Variants in RBM5 observed in about 807,000 individuals in gnomAD.
The protein encoded by RBM5 is RNA-binding protein 5.
Under a neutral mutation model 124.6 loss-of-function variants are expected in RBM5, and 15 were observed. That is an observed-to-expected ratio of 0.12 (90% CI 0.08 to 0.19). RBM5 has a LOEUF of 0.19. RBM5 is among the 10% of genes least tolerant of loss of function. RBM5 has a pLI of 1.00. For synonymous variants in RBM5, 337 were observed against 361.2 expected (o/e 0.93, Z 0.76); for missense variants, 580 against 1,026.5 (o/e 0.57, Z 5.94).
intron 4 of RBM5, among the ~76,000 whole-genome samples, chr3:50,096,791 G>C (rs1307335788): frequency 6.8e-6 from 1 of 147,540 alleles, no homozygotes; most frequent in South Asian, 2.2e-4. Context: ...TTTTTTTGTA[G>C]AGACAAGGTC....
At chr3:50,104,417 C>A in intron 8 of RBM5, 109 bp downstream of exon 8, 1 of 1,041,236 alleles carries the variant, frequency 9.6e-7, no homozygotes, top group Non-Finnish European at 1.5e-6. Flanking sequence ...GTGGGAAGAT[C>A]ACTTGAGGAC....
At chr3:50,115,720 C>T in intron 21 of RBM5, 113 bp downstream of exon 21, 1 of 1,337,276 alleles carries the variant, frequency 7.5e-7, no homozygotes, top group Non-Finnish European at 1.0e-6. Context: ...GATGGCCTTA[C>T]AGAAAGCTGT....
chr3:50,104,079 T>G (rs538139719), intron 7 of RBM5, among the ~76,000 whole-genome samples, 169 bp from the exon 8 acceptor site: 1 of 152,348 alleles, frequency 6.6e-6, no homozygotes, highest in South Asian at 2.1e-4. Context: ...TGGGAGATTT[T>G]AACAGTGTTA....
At position 50,090,373 on chromosome 3, in the gene RBM5, G is replaced by A. The variant is rs2090682625; in HGVS notation, c.-53-9G>A. ...AGATTTATAGCAATTAATCTCTCTTGTCTCCTAGAAAAAATAAAATTTGAA... is the reference window on the plus strand; with the variant it reads ...AGATTTATAGCAATTAATCTCTCTTATCTCCTAGAAAAAATAAAATTTGAA... On this transcript the variant is annotated splice_polypyrimidine_tract_variant and intron_variant, in intron 1 of 24. Transcript: ENST00000347869. 1.9e-6 allele frequency: 3 copies of A among 1,588,770 alleles called. No individual in the cohort carries two copies. Among genetic ancestry groups the A allele is most frequent in the Non-Finnish European group, 2.6e-6 (3 of 1,158,468 alleles).
intron 14 of RBM5, among the ~76,000 whole-genome samples, chr3:50,109,287 A>G (rs2091099303): frequency 6.6e-6 from 1 of 152,102 alleles, no homozygotes; most frequent in African/African-American, 2.4e-5. Flanking sequence ...GTTAGCCAGG[A>G]TGGTCTCAAT....
Position 50,118,646 on chromosome 3 carries a change from C to T in RBM5, c.*190C>T, listed in dbSNP as rs2091302746. Reference sequence around the variant, plus strand: ...CTTATGTGGGTTGCCTGGTGAATGGCCTTCCTTCCCGCCAGAGGGCTTGTG... The same window carrying T: ...CTTATGTGGGTTGCCTGGTGAATGGTCTTCCTTCCCGCCAGAGGGCTTGTG... On this transcript the variant is annotated 3_prime_UTR_variant, in exon 25 of 25. Transcript: ENST00000347869. The T allele has an allele frequency of 2.4e-6, 2 of 841,158 alleles. No individual in the cohort carries two copies. The highest frequency in any genetic ancestry group is 3.4e-5 in the African/African-American group (2 of 58,550). 52.1% of individuals were successfully genotyped at this position (841,158 alleles called of 1,614,324 possible). A position where few individuals can be genotyped will look rare whatever the true frequency, so the allele number is the denominator to read the frequency against.
intron 8 of RBM5, 23 bp from the exon 9 acceptor site, chr3:50,105,054 A>G: frequency 2.0e-6 from 3 of 1,515,316 alleles, no homozygotes; most frequent in Non-Finnish European, 2.7e-6. Context: ...GTTTGTCTCT[A>G]ATTGGATCAC....
chr3:50,107,230 T>C (rs2091049648), intron 11 of RBM5: 4 of 602,776 alleles, frequency 6.6e-6, no homozygotes, highest in Non-Finnish European at 1.2e-5. Context: ...CACGGTAAAT[T>C]TCCCTTTTTT....
At chr3:50,108,932 C>T (rs781602369) in intron 14 of RBM5, among the ~76,000 whole-genome samples, 7 of 152,180 alleles carry the variant, frequency 4.6e-5, no homozygotes, top group Non-Finnish European at 1.0e-4. Flanking sequence ...GGATGTGGCC[C>T]TGGAGACTGG....
chr3:50,090,673 A>G (rs1256564957), intron 2 of RBM5, among the ~76,000 whole-genome samples: 1 of 152,142 alleles, frequency 6.6e-6, no homozygotes, highest in East Asian at 1.9e-4. Context: ...ACACATAGGA[A>G]GTATGTCTTT....
chr3:50,110,895 AG>A (rs2091131216), intron 17 of RBM5, 125 bp downstream of exon 17: 1 of 722,032 alleles, frequency 1.4e-6, no homozygotes, highest in African/African-American at 1.8e-5. Flanking sequence ...ACTTCTTCAA[AG>A]CCACCAAAAT....
intron 4 of RBM5, among the ~76,000 whole-genome samples, chr3:50,098,259 A>G (rs1038672632): frequency 1.6e-5 from 2 of 125,462 alleles, no homozygotes; most frequent in Non-Finnish European, 3.4e-5. Flanking sequence ...ATCTCATCTG[A>G]GTCCTTATTT....
intron 24 of RBM5, 71 bp from the exon 25 acceptor site, chr3:50,118,260 G>C (rs1231264133): frequency 6.3e-7 from 1 of 1,594,438 alleles, no homozygotes; most frequent in African/African-American, 1.3e-5. Flanking sequence ...TGCTGGGTAA[G>C]GAGTGGGCAT....
chr3:50,107,634 C>T (rs2091058349), intron 12 of RBM5, 65 bp downstream of exon 12: 2 of 1,037,534 alleles, frequency 1.9e-6, no homozygotes, highest in Non-Finnish European at 3.0e-6. Flanking sequence ...CAGACGTGAC[C>T]TCTCCTGTGG....
chr3:50,113,798 G>A, intron 18 of RBM5, 152 bp from the exon 19 acceptor site: 1 of 1,035,302 alleles, frequency 9.7e-7, no homozygotes, highest in Non-Finnish European at 1.4e-6. Context: ...TTGGTTATAT[G>A]TGATAACATC....
chr3:50,092,861 C>A, intron 3 of RBM5: 1 of 270,532 alleles, frequency 3.7e-6, no homozygotes, highest in South Asian at 3.3e-5. Flanking sequence ...CCAGCCTGGG[C>A]ACCATAGGGA....
intron 15 of RBM5, among the ~76,000 whole-genome samples, chr3:50,110,097 GC>G (rs1323871667): frequency 6.6e-6 from 1 of 152,206 alleles, no homozygotes; most frequent in East Asian, 1.9e-4. Flanking sequence ...TGTAATCCCA[GC>G]TACTCGGGAG....
At chr3:50,094,144 A>G in intron 4 of RBM5, 1 of 257,628 alleles carries the variant, frequency 3.9e-6, no homozygotes, top group Non-Finnish European at 7.4e-6. Flanking sequence ...ATTTTATACA[A>G]CACTTTAAAT....
At chr3:50,104,452 GAGATAGCA>G (rs2090995476) in intron 8 of RBM5, 144 bp downstream of exon 8, 1 of 737,494 alleles carries the variant, frequency 1.4e-6, no homozygotes, top group Non-Finnish European at 2.3e-6. Flanking sequence ...AGCCTGGCAA[GAGATAGCA>G]AGACCCTGCC....
Sources: allele counts gnomAD v4.1 joint callset (sites outside exome capture counted in the v4.1 genomes callset), GRCh38; gene constraint gnomAD v4.1.1; transcripts MANE v1.5; gene names NCBI Gene and HGNC (gene_info 2026-07-23, HGNC 2026-07-21).